Variants in XYLT1 observed in about 807,000 individuals in gnomAD.
XYLT1 encodes the protein xylosyltransferase 1.
Under a neutral mutation model 91.3 loss-of-function variants are expected in XYLT1, and 36 were observed. That is an observed-to-expected ratio of 0.39 (90% CI 0.30 to 0.52). The LOEUF is 0.52. XYLT1 is among the 20% of genes least tolerant of loss of function. The pLI, the probability that XYLT1 is intolerant of heterozygous loss-of-function variation, is 0.68. For synonymous variants in XYLT1, 588 were observed against 532.0 expected (o/e 1.11, Z -1.45); for missense variants, 1,242 against 1,284.5 (o/e 0.97, Z 0.51).
At chr16:17,210,713 T>A (rs2032741351) in intron 3 of XYLT1, among the ~76,000 whole-genome samples, 1 of 152,192 alleles carries the variant, frequency 6.6e-6, no homozygotes, top group Admixed American at 6.5e-5. Context: ...CCCAGTGTGT[T>A]CTTAAATGCG....
chr16:17,270,458 G>A (rs1356981132), intron 2 of XYLT1, among the ~76,000 whole-genome samples: 2 of 152,064 alleles, frequency 1.3e-5, no homozygotes, highest in African/African-American at 4.8e-5. Context: ...CAGGTGGCAG[G>A]GAAAGATCTG....
At chr16:17,191,774 T>C (rs1011000062) in intron 5 of XYLT1, among the ~76,000 whole-genome samples, 1 of 152,248 alleles carries the variant, frequency 6.6e-6, no homozygotes, top group African/African-American at 2.4e-5. Flanking sequence ...GCTCTGGTAG[T>C]ATCTCAAGAC....
intron 1 of XYLT1, among the ~76,000 whole-genome samples, chr16:17,423,416 C>G (rs116504421): frequency 0.016 from 2,418 of 152,152 alleles, 67 homozygotes; most frequent in African/African-American, 0.056. Context: ...CCCATTAAGG[C>G]GATTGTTTTT....
intron 2 of XYLT1, among the ~76,000 whole-genome samples, chr16:17,293,102 G>A (rs1285800263): frequency 2.6e-5 from 4 of 152,266 alleles, no homozygotes; most frequent in East Asian, 1.9e-4. Flanking sequence ...CCCGTAAAGC[G>A]GGCACTTCCA....
At chr16:17,346,946 C>T (rs954803385) in intron 2 of XYLT1, among the ~76,000 whole-genome samples, 3 of 152,080 alleles carry the variant, frequency 2.0e-5, no homozygotes, top group Admixed American at 6.6e-5. Context: ...AAAATGAGAA[C>T]GGGGTTATTA....
intron 1 of XYLT1, among the ~76,000 whole-genome samples, chr16:17,434,019 G>C (rs556253387): frequency 6.6e-6 from 1 of 152,144 alleles, no homozygotes; most frequent in Middle Eastern, 3.4e-3. Context: ...ATTGAATTTC[G>C]GGCATGTATT....
chr16:17,382,482 T>C (rs2035694164), intron 1 of XYLT1, among the ~76,000 whole-genome samples: 1 of 151,894 alleles, frequency 6.6e-6, no homozygotes, highest in South Asian at 2.1e-4. Context: ...AATTTCAGTG[T>C]TAATGGGACC....
chr16:17,281,506 TA>T (rs147806671), intron 2 of XYLT1, among the ~76,000 whole-genome samples: 1 of 152,006 alleles, frequency 6.6e-6, no homozygotes, highest in Non-Finnish European at 1.5e-5. Flanking sequence ...TTTATGTTGT[TA>T]AAAAAAATGA....
At chr16:17,448,565 C>T (rs2036622783) in intron 1 of XYLT1, among the ~76,000 whole-genome samples, 1 of 152,008 alleles carries the variant, frequency 6.6e-6, no homozygotes, top group Non-Finnish European at 1.5e-5. Context: ...CACACAGCTC[C>T]AGAGGAAGGA....
At chr16:17,276,247 G>A (rs1483995633) in intron 2 of XYLT1, among the ~76,000 whole-genome samples, 1 of 152,204 alleles carries the variant, frequency 6.6e-6, no homozygotes, top group Non-Finnish European at 1.5e-5. Flanking sequence ...AGGGGCTTCC[G>A]AGCAAGTTTT....
chr16:17,246,059 C>T (rs1484113091), intron 3 of XYLT1, among the ~76,000 whole-genome samples: 2 of 152,222 alleles, frequency 1.3e-5, no homozygotes, highest in East Asian at 3.9e-4. Flanking sequence ...AATGCAGCTG[C>T]TCCTATAGAC....
At chr16:17,429,240 A>G (rs2036358102) in intron 1 of XYLT1, among the ~76,000 whole-genome samples, 1 of 152,224 alleles carries the variant, frequency 6.6e-6, no homozygotes, top group Non-Finnish European at 1.5e-5. Context: ...TTAAGTCTCT[A>G]ACTGCTTAAT....
chr16:17,165,048 G>C (rs2031644638), intron 5 of XYLT1, among the ~76,000 whole-genome samples: 1 of 152,176 alleles, frequency 6.6e-6, no homozygotes, highest in Non-Finnish European at 1.5e-5. Context: ...CCAATGTATA[G>C]AAAACAAGAT....
intron 1 of XYLT1, among the ~76,000 whole-genome samples, chr16:17,456,351 T>TC (rs1454082293): frequency 6.7e-6 from 1 of 149,180 alleles, no homozygotes; most frequent in Non-Finnish European, 1.5e-5. Context: ...TTTTTTTTTT[T>TC]TTTGGAGACA....
At chr16:17,456,665 C>A (rs945315578) in intron 1 of XYLT1, among the ~76,000 whole-genome samples, 24 of 152,286 alleles carry the variant, frequency 1.6e-4, no homozygotes, top group Admixed American at 7.2e-4. Context: ...CTGGCAGTGT[C>A]CTTCTGAAGA....
intron 3 of XYLT1, among the ~76,000 whole-genome samples, chr16:17,222,029 G>A (rs540372500): frequency 1.3e-5 from 2 of 152,278 alleles, no homozygotes; most frequent in South Asian, 4.1e-4. Flanking sequence ...AGTGCACAGA[G>A]AGGACAGCGA....
At chr16:17,313,688 TAA>T (rs5815938) in intron 2 of XYLT1, among the ~76,000 whole-genome samples, 1 of 143,144 alleles carries the variant, frequency 7.0e-6, no homozygotes, top group Non-Finnish European at 1.5e-5. Flanking sequence ...TCCAAACCAT[TAA>T]AAAAAAAAAA....
chr16:17,404,543 T>C (rs1295847180), intron 1 of XYLT1, among the ~76,000 whole-genome samples: 1 of 152,176 alleles, frequency 6.6e-6, no homozygotes, highest in African/African-American at 2.4e-5. Flanking sequence ...ATTCATCACA[T>C]GGTGCATAGG....
chr16:17,450,766 G>A (rs910023569), intron 1 of XYLT1, among the ~76,000 whole-genome samples: 6 of 152,112 alleles, frequency 3.9e-5, no homozygotes, highest in Non-Finnish European at 5.9e-5. Context: ...AGCACAGCCC[G>A]CCATCACAGA....
Sources: gnomAD v4.1 joint callset for allele counts (sites outside exome capture counted in the v4.1 genomes callset) on GRCh38, gnomAD v4.1.1 for gene constraint, MANE v1.5 for transcripts, NCBI Gene and HGNC (gene_info 2026-07-23, HGNC 2026-07-21) for gene names.